Variants in PTPRN2 observed in about 807,000 individuals in gnomAD.
The protein encoded by PTPRN2 is protein tyrosine phosphatase receptor type N2, also known as receptor-type tyrosine-protein phosphatase N2.
A neutral mutation model predicts 118.8 loss-of-function variants in PTPRN2; 74 were observed. The ratio of observed to expected loss-of-function variants is 0.62; its 90% CI spans 0.52 to 0.76. The LOEUF (loss-of-function observed/expected upper bound fraction) is 0.76, where lower values mean the gene tolerates loss of function less well. PTPRN2 is among the 30% of genes least tolerant of loss of function. PTPRN2 has a pLI of 0.00. For missense variants in PTPRN2, 1,481 were observed against 1,394.4 expected, an observed-to-expected ratio of 1.06 and a Z score of -0.99; for synonymous variants, 641 against 608.0, an observed-to-expected ratio of 1.05 and a Z score of -0.80.
Position 158,239,756 on chromosome 7 carries a change from C to G in PTPRN2, c.278-34483G>C, listed in dbSNP as rs78995598. Reference sequence around the variant, plus strand: ...GCTGCACTTCCCACATCTGGATGCACGCCAAGACAAGACGTCAGTCATTTC... The same window carrying G: ...GCTGCACTTCCCACATCTGGATGCAGGCCAAGACAAGACGTCAGTCATTTC... On this transcript the variant is annotated intron_variant, in intron 3 of 22. Transcript: ENST00000389418. 7.4e-3 allele frequency among the ~76,000 whole-genome samples: 1,122 copies of G among 152,318 alleles called. 14 individuals are homozygous for G. Among genetic ancestry groups the G allele is most frequent in the African/African-American group, 0.026 (1,063 of 41,560 alleles).
intron 1 of PTPRN2, among the ~76,000 whole-genome samples, chr7:158,520,720 C>T (rs1029191512): frequency 3.9e-5 from 6 of 152,066 alleles, no homozygotes; most frequent in Non-Finnish European, 8.8e-5. Flanking sequence ...ACCATATTAC[C>T]AATAGAAACA....
chr7:157,638,606 G>A (rs1388738715), intron 14 of PTPRN2, among the ~76,000 whole-genome samples: 1 of 152,278 alleles, frequency 6.6e-6, no homozygotes, highest in East Asian at 1.9e-4. Flanking sequence ...AGGGTGAAGA[G>A]TTAGAGGTGA....
At chr7:158,572,120 G>A (rs1444422694) in intron 1 of PTPRN2, among the ~76,000 whole-genome samples, 1 of 152,168 alleles carries the variant, frequency 6.6e-6, no homozygotes, top group Non-Finnish European at 1.5e-5. Context: ...GGAGGGCAGG[G>A]ACTCTGTCTT....
intron 1 of PTPRN2, among the ~76,000 whole-genome samples, chr7:158,587,043 A>C (rs114989982): frequency 0.048 from 7,313 of 151,970 alleles, 567 homozygotes; most frequent in African/African-American, 0.16. Flanking sequence ...CGGGGGCTTG[A>C]GACCCAGAGC....
intron 1 of PTPRN2, among the ~76,000 whole-genome samples, chr7:158,584,409 G>A (rs538778917): frequency 1.3e-5 from 2 of 152,236 alleles, no homozygotes; most frequent in South Asian, 2.1e-4. Context: ...CGGGCCGGTC[G>A]GGAGGAAAAC....
chr7:157,737,067 G>T (rs183788573), intron 12 of PTPRN2, among the ~76,000 whole-genome samples: 1 of 152,198 alleles, frequency 6.6e-6, no homozygotes, highest in Non-Finnish European at 1.5e-5. Context: ...ATCACACCAG[G>T]CGTCTTGGAT....
At chr7:157,951,634 G>A (rs190641596) in intron 11 of PTPRN2, among the ~76,000 whole-genome samples, 89 of 152,322 alleles carry the variant, frequency 5.8e-4, no homozygotes, top group African/African-American at 1.9e-3. Flanking sequence ...CGATGTTCCC[G>A]TGATCAGAAT....
chr7:157,934,135 C>T (rs1310137634), intron 11 of PTPRN2, among the ~76,000 whole-genome samples: 1 of 152,194 alleles, frequency 6.6e-6, no homozygotes, highest in African/African-American at 2.4e-5. Context: ...GCGGATCCAT[C>T]TTGCCGCTGG....
chr7:158,244,657 G>A (rs59704915), intron 3 of PTPRN2, among the ~76,000 whole-genome samples: 18,642 of 151,732 alleles, frequency 0.12, 1,397 homozygotes, highest in Admixed American at 0.22. Flanking sequence ...TGTTTTGTGT[G>A]TCAGTTGTGT....
chr7:158,416,535 G>C (rs73731227), intron 2 of PTPRN2, among the ~76,000 whole-genome samples: 1 of 152,222 alleles, frequency 6.6e-6, no homozygotes, highest in Non-Finnish European at 1.5e-5. Flanking sequence ...GCATGGAGCT[G>C]TGTGGCCACA....
chr7:158,216,457 C>T (rs976033936), intron 3 of PTPRN2, among the ~76,000 whole-genome samples: 3 of 151,406 alleles, frequency 2.0e-5, no homozygotes, highest in Admixed American at 1.3e-4. Context: ...CTCAACTATA[C>T]ACTATATGAA....
chr7:157,576,645 A>AG lies in PTPRN2; in HGVS notation c.2750dup (p.Ser918PhefsTer30). 6.2e-7 allele frequency: 1 copy of AG among 1,612,752 alleles called. No individual in the cohort carries two copies. The highest frequency in any genetic ancestry group is 8.5e-7 in the Non-Finnish European group (1 of 1,179,418). ...AGTCCAGGAGGGACCTTGAGGAGGA[A>AG]GGGACTCCTCGGTCATACCAACTCA... On this transcript the variant is annotated frameshift_variant, in exon 19 of 23. Transcript: ENST00000389418. LOFTEE classifies it high-confidence loss of function.
intron 2 of PTPRN2, among the ~76,000 whole-genome samples, chr7:158,343,318 C>T (rs1807211715): frequency 6.6e-6 from 1 of 152,176 alleles, no homozygotes; most frequent in African/African-American, 2.4e-5. Flanking sequence ...TCACCAGCGT[C>T]AAGGCAACGC....
chr7:157,691,068 C>A lies in PTPRN2; in HGVS notation c.1789-8131G>T, dbSNP rs532858852. On this transcript the variant is annotated intron_variant, in intron 12 of 22. Coordinates refer to ENST00000389418, the MANE Select transcript of PTPRN2 (RefSeq NM_002847.5). ...CAGCCACCGGTTGCTATAGCGATGTCCCCCCCCCCCCCCACATGTTGCTGA... is the reference window on the plus strand; with the variant it reads ...CAGCCACCGGTTGCTATAGCGATGTACCCCCCCCCCCCCACATGTTGCTGA... Among the ~76,000 whole-genome samples the A allele has an allele frequency of 7.2e-3, 163 of 22,498 alleles. 8 individuals are homozygous for A. The South Asian group carries it at 0.26, about 36-fold the overall frequency. The allele number at this position is 22,498 out of a possible 152,430, so 14.8% of individuals were successfully genotyped here. A position where few individuals can be genotyped will look rare whatever the true frequency, so the allele number is the denominator to read the frequency against.
At chr7:158,259,671 T>C (rs1797259659) in intron 3 of PTPRN2, among the ~76,000 whole-genome samples, 1 of 152,122 alleles carries the variant, frequency 6.6e-6, no homozygotes. Flanking sequence ...TGTGTGTACA[T>C]GTATATATGC....
intron 12 of PTPRN2, among the ~76,000 whole-genome samples, chr7:157,859,960 A>C (rs1418006596): frequency 1.1e-5 from 1 of 94,878 alleles, no homozygotes; most frequent in Non-Finnish European, 2.1e-5. Context: ...CAGCCACTGT[A>C]CACACTCCTG....
chr7:158,479,066 G>A (rs750211966), intron 2 of PTPRN2, among the ~76,000 whole-genome samples: 7 of 152,038 alleles, frequency 4.6e-5, no homozygotes, highest in Admixed American at 1.3e-4. Context: ...TGAGTGTTTC[G>A]GGGGCAGAAG....
intron 13 of PTPRN2, among the ~76,000 whole-genome samples, chr7:157,673,718 C>G (rs1380954687): frequency 6.6e-6 from 1 of 152,082 alleles, no homozygotes; most frequent in East Asian, 1.9e-4. Flanking sequence ...CACAGAGGCC[C>G]CCTCTGCCGT....
At chr7:157,980,942 A>G (rs1803091316) in intron 11 of PTPRN2, among the ~76,000 whole-genome samples, 1 of 151,608 alleles carries the variant, frequency 6.6e-6, no homozygotes, top group African/African-American at 2.4e-5. Context: ...AGGGATAAGT[A>G]GCCAGTTCCC....
Sources: allele counts gnomAD v4.1 joint callset (sites outside exome capture counted in the v4.1 genomes callset), GRCh38; gene constraint gnomAD v4.1.1; transcripts MANE v1.5; gene names NCBI Gene and HGNC (gene_info 2026-07-23, HGNC 2026-07-21).